Variants in ZMYM2 observed in about 807,000 individuals in gnomAD.
ZMYM2 encodes zinc finger MYM-type containing 2.
A neutral mutation model predicts 162.8 loss-of-function variants in ZMYM2; 56 were observed. That is an observed-to-expected ratio of 0.34 (90% CI 0.28 to 0.43). The LOEUF (loss-of-function observed/expected upper bound fraction) is 0.43. Ranked by LOEUF, ZMYM2 falls within the 20% of genes least tolerant of loss-of-function variation. ZMYM2 has a pLI of 1.00. For missense variants in ZMYM2, 1,275 were observed against 1,621.8 expected (o/e 0.79, Z 3.67); for synonymous variants, 510 against 541.6 (o/e 0.94, Z 0.81).
chr13:20,038,470 GT>G (rs1953938772), intron 12 of ZMYM2, among the ~76,000 whole-genome samples: 1 of 152,172 alleles, frequency 6.6e-6, no homozygotes, highest in African/African-American at 2.4e-5. Context: ...AAGGGGTCCA[GT>G]TTCAGTCTTC....
chr13:19,873,763 AACC>A, the ZMYM2 span, among the ~76,000 whole-genome samples: 2 of 152,080 alleles, frequency 1.3e-5, no homozygotes, highest in Non-Finnish European at 2.9e-5. Context: ...CCAGTTTGAG[AACC>A]ACCACGTCAG....
At chr13:19,918,289 T>A in the ZMYM2 span, among the ~76,000 whole-genome samples, 390 of 151,356 alleles carry the variant, frequency 2.6e-3, 3 homozygotes, top group South Asian at 0.034. Flanking sequence ...TACTAAAAAT[T>A]CAAAAATTAG....
intron 6 of ZMYM2, among the ~76,000 whole-genome samples, chr13:20,012,943 A>G (rs891524280): frequency 1.3e-5 from 2 of 152,204 alleles, no homozygotes; most frequent in African/African-American, 4.8e-5. Flanking sequence ...TTCTGGACCC[A>G]TTCTAATTTT....
At position 20,041,104 on chromosome 13, in the gene ZMYM2, C is replaced by G. The variant is rs573275714; in HGVS notation, c.2292+4195C>G. On this transcript the variant is annotated intron_variant, in intron 12 of 24. Coordinates refer to ENST00000610343, the MANE Select transcript of ZMYM2 (RefSeq NM_197968.4). ...GTTGTTTTGGGGTGTCCATTTGATT[C>G]TATGCTGAGTTCAGGTCCTGAATAT... Among the ~76,000 whole-genome samples the G allele has an allele frequency of 7.9e-5, 12 of 152,078 alleles. No individual in the cohort carries two copies. In the East Asian group the frequency reaches 1.4e-3, roughly 17 times the overall value.
the ZMYM2 span, among the ~76,000 whole-genome samples, chr13:19,885,909 GTATATACACATATATA>G: frequency 2.4e-5 from 2 of 81,938 alleles, no homozygotes; most frequent in African/African-American, 8.1e-5. Flanking sequence ...ACATATATAT[GTATATACACATATATA>G]TGTGTATACA....
At chr13:20,054,797 C>T (rs1167724393) in intron 14 of ZMYM2, among the ~76,000 whole-genome samples, 5 of 152,126 alleles carry the variant, frequency 3.3e-5, no homozygotes, top group Non-Finnish European at 7.3e-5. Flanking sequence ...TCTGGGATTC[C>T]AGTTAAGAGC....
the ZMYM2 span, among the ~76,000 whole-genome samples, chr13:19,927,106 A>G: frequency 6.6e-6 from 1 of 152,216 alleles, no homozygotes; most frequent in African/African-American, 2.4e-5. Flanking sequence ...TCCCTTTCCT[A>G]AGACTTCTAG....
At chr13:19,957,543 T>C (rs974717949), upstream of ZMYM2, among the ~76,000 whole-genome samples, 4 of 152,222 alleles carry the variant, frequency 2.6e-5, no homozygotes, top group African/African-American at 9.6e-5. Flanking sequence ...AGGTGGCCTG[T>C]GGGGCCCGCC....
chr13:19,930,929 G>C, the ZMYM2 span, among the ~76,000 whole-genome samples: 1 of 150,788 alleles, frequency 6.6e-6, no homozygotes, highest in Non-Finnish European at 1.5e-5. Flanking sequence ...CAAGAGGTCA[G>C]GAGATCGAGA....
At position 20,027,224 on chromosome 13, in the gene ZMYM2, T is replaced by A; in HGVS notation, c.1757T>A (p.Phe586Tyr). ...CTAGGTTTGGGAATTATTTGCCATT[T>A]TTGTAAGCGAAACTCTTTACCTCAA... ...KSQSLGIICH[F>Y]CKRNSLPQYQ... Residue 586 changes from phenylalanine (F) to tyrosine (Y), a missense_variant, in exon 9 of 25, where the codon TTT becomes TAT. This residue lies in a region of ZMYM2 where 276 missense variants were observed against 311.8 expected (regional missense o/e 0.89). Coordinates refer to ENST00000610343, the MANE Select transcript of ZMYM2 (RefSeq NM_197968.4). 1 of 1,578,524 alleles carries A rather than the reference T, an allele frequency of 6.3e-7. No individual in the cohort carries two copies. Among genetic ancestry groups the A allele is most frequent in the Non-Finnish European group, 8.6e-7 (1 of 1,160,458 alleles).
chr13:19,994,585 G>A (rs1012547418), intron 3 of ZMYM2, among the ~76,000 whole-genome samples: 7 of 152,022 alleles, frequency 4.6e-5, no homozygotes, highest in African/African-American at 1.4e-4. Context: ...CGCCTCCTGT[G>A]TTCAAGCGAT....
chr13:20,074,543 CT>C (rs113280014), intron 21 of ZMYM2, among the ~76,000 whole-genome samples: 204 of 142,804 alleles, frequency 1.4e-3, no homozygotes, highest in Non-Finnish European at 1.6e-3. Flanking sequence ...GGCTTCCTTC[CT>C]TTTTTTTTTT....
At chr13:20,015,646 A>C (rs1951560172) in intron 6 of ZMYM2, among the ~76,000 whole-genome samples, 1 of 152,034 alleles carries the variant, frequency 6.6e-6, no homozygotes, top group Admixed American at 6.5e-5. Flanking sequence ...ATTTAAGTGT[A>C]TTTTGGGGGT....
chr13:19,869,097 A>G, the ZMYM2 span, among the ~76,000 whole-genome samples: 1 of 152,252 alleles, frequency 6.6e-6, no homozygotes, highest in Non-Finnish European at 1.5e-5. Context: ...CTATCACAGA[A>G]TAAAAATACA....
At chr13:19,895,094 A>AG in the ZMYM2 span, among the ~76,000 whole-genome samples, 14 of 150,972 alleles carry the variant, frequency 9.3e-5, no homozygotes, top group Non-Finnish European at 1.8e-4. Flanking sequence ...AAAAAAAAAA[A>AG]AAAGAAAATT....
At chr13:19,943,008 C>A in the ZMYM2 span, among the ~76,000 whole-genome samples, 149,700 of 152,234 alleles carry the variant, frequency 0.98, 73,654 homozygotes, top group Middle Eastern at 1. Flanking sequence ...CAGATTTATT[C>A]TTTTACTGCT....
Position 19,994,202 on chromosome 13 carries a change from C to T in ZMYM2, c.847+283C>T, listed in dbSNP as rs181852977. Among the ~76,000 whole-genome samples the T allele has an allele frequency of 5.3e-3, 811 of 152,212 alleles. 9 individuals carry two copies. Among genetic ancestry groups the T allele is most frequent in the African/African-American group, 0.016 (655 of 41,506 alleles). On this transcript the variant is annotated intron_variant, in intron 3 of 24. Transcript: ENST00000610343. The stretch of plus-strand genomic sequence containing the variant: ...CATCACCAAAGTCTGATAATTTGGC[C>T]GGGCACGGCGGCTCACACCTGTAAT...
At chr13:19,936,709 A>G in the ZMYM2 span, among the ~76,000 whole-genome samples, 3 of 152,128 alleles carry the variant, frequency 2.0e-5, no homozygotes, top group Non-Finnish European at 1.5e-5. Flanking sequence ...GCAAAGAGTG[A>G]AACTATGTCT....
At chr13:20,005,008 C>G in intron 4 of ZMYM2, 66 bp from the exon 5 acceptor site, 1 of 1,331,220 alleles carries the variant, frequency 7.5e-7, no homozygotes, top group Non-Finnish European at 1.0e-6. Flanking sequence ...TGAAAAATGT[C>G]ACTTATGACT....
Sources: gnomAD v4.1 joint callset for allele counts (sites outside exome capture counted in the v4.1 genomes callset) on GRCh38, gnomAD v4.1.1 for gene constraint, gnomAD v4.1.1 regional missense constraint, MANE v1.5 for transcripts, NCBI Gene and HGNC (gene_info 2026-07-23, HGNC 2026-07-21) for gene names.